Variants in ANXA4 observed in about 807,000 individuals in gnomAD.
ANXA4 encodes 35-beta calcimedin.
A neutral mutation model predicts 49.8 loss-of-function variants in ANXA4; 39 were observed. The observed-to-expected ratio is 0.78, with a 90% confidence interval of 0.61 to 1.02. The LOEUF (loss-of-function observed/expected upper bound fraction) is 1.02. Ranked by LOEUF, ANXA4 falls within the 50% of genes least tolerant of loss-of-function variation. The pLI, the probability that ANXA4 is intolerant of heterozygous loss-of-function variation, is 0.00. For missense variants in ANXA4, 360 were observed against 410.1 expected, an observed-to-expected ratio of 0.88 and a Z score of 1.05; for synonymous variants, 134 against 152.5, an observed-to-expected ratio of 0.88 and a Z score of 0.89.
At chr2:69,725,737 G>A (rs957313317) in intron 3 of ANXA4, among the ~76,000 whole-genome samples, 2 of 152,188 alleles carry the variant, frequency 1.3e-5, no homozygotes, top group Admixed American at 6.5e-5. Flanking sequence ...GAGGCTAAAT[G>A]AGACTCTTGA....
In ANXA4 at chr2:69,781,569, G is replaced by A. The variant is rs1171915606; in HGVS notation, c.4G>A (p.Ala2Thr). 4 of 1,614,022 alleles carry A rather than the reference G, an allele frequency of 2.5e-6. No individual in the cohort carries two copies. The highest frequency in any genetic ancestry group is 1.7e-5 in the Admixed American group (1 of 60,000). The change falls in exon 2 of 13, where the codon GCC (alanine) becomes ACC (threonine). Residue 2 changes from alanine (A) to threonine (T), a missense_variant. Physicochemically the swap from Ala to Thr is moderately conservative, Grantham distance 58. Transcript: ENST00000394295. M[A>T]MATKGGTVKA... ...ACTCTGATCTTGACCTAGAGTCATG[G>A]CCATGGTAAGTTGTGAAATACCTCA...
intron 11 of ANXA4, among the ~76,000 whole-genome samples, chr2:69,820,342 C>A (rs1243781382): frequency 6.6e-6 from 1 of 150,946 alleles, no homozygotes; most frequent in African/African-American, 2.4e-5. Flanking sequence ...AGTTTTACAT[C>A]AGAGGATTTC....
At chr2:69,798,079 G>A (rs1673018327) in intron 3 of ANXA4, among the ~76,000 whole-genome samples, 1 of 152,168 alleles carries the variant, frequency 6.6e-6, no homozygotes, top group African/African-American at 2.4e-5. Flanking sequence ...CGGTCCGACT[G>A]GACAGTGCTG....
intron 6 of ANXA4, chr2:69,809,365 C>G (rs1673597116): frequency 6.6e-6 from 1 of 152,158 alleles, no homozygotes; most frequent in African/African-American, 2.4e-5. Flanking sequence ...CCACATCTGC[C>G]CAATGAGGGT....
chr2:69,666,776 T>C (rs1676953692), intron 2 of ANXA4, among the ~76,000 whole-genome samples: 1 of 152,230 alleles, frequency 6.6e-6, no homozygotes, highest in Non-Finnish European at 1.5e-5. Context: ...CTGGGTGTGG[T>C]GGCTCATGCC....
At chr2:69,752,205 G>A (rs937575202) in intron 1 of ANXA4, among the ~76,000 whole-genome samples, 2 of 152,134 alleles carry the variant, frequency 1.3e-5, no homozygotes, top group African/African-American at 4.8e-5. Context: ...CCCAGAGGTG[G>A]AGATGGAGGT....
chr2:69,676,756 G>A (rs1411833129), intron 2 of ANXA4, among the ~76,000 whole-genome samples: 1 of 152,098 alleles, frequency 6.6e-6, no homozygotes, highest in African/African-American at 2.4e-5. Flanking sequence ...AGCTGGGCGT[G>A]GTGGCGCATG....
chr2:69,723,992 C>T (rs1055378862), intron 3 of ANXA4, among the ~76,000 whole-genome samples: 3 of 152,212 alleles, frequency 2.0e-5, no homozygotes, highest in African/African-American at 4.8e-5. Flanking sequence ...CGGTGGCGCA[C>T]GCCTGTAATC....
chr2:69,684,425 T>C (rs2105362358), intron 2 of ANXA4, among the ~76,000 whole-genome samples: 1 of 152,314 alleles, frequency 6.6e-6, no homozygotes, highest in East Asian at 1.9e-4. Flanking sequence ...ACAGTCTTTG[T>C]AGTAAAGTTT....
At chr2:69,693,746 T>C (rs1678059340) in intron 2 of ANXA4, among the ~76,000 whole-genome samples, 1 of 152,004 alleles carries the variant, frequency 6.6e-6, no homozygotes, top group Admixed American at 6.6e-5. Context: ...ATATTTGGGG[T>C]TAGGTTTAAC....
chr2:69,759,618 A>G lies in ANXA4; in HGVS notation c.-47+17443A>G, dbSNP rs184029762. Among the ~76,000 whole-genome samples the G allele has an allele frequency of 3.5e-4, 54 of 152,268 alleles. 1 individual carries two copies. In the East Asian group the frequency reaches 9.6e-3, roughly 27 times the overall value. ...TTATCAGATCACACAGTTTACTTTA[A>G]TAATAACAATAATAATAACAGCTAG... is the stretch of plus-strand genomic sequence containing the variant. On this transcript the variant is annotated intron_variant, in intron 1 of 12. Transcript: ENST00000394295.
intron 1 of ANXA4, among the ~76,000 whole-genome samples, chr2:69,773,228 T>C (rs1026500974): frequency 1.3e-5 from 2 of 152,242 alleles, no homozygotes; most frequent in African/African-American, 2.4e-5. Context: ...ACTCTCAGTA[T>C]TTCCAGAAGG....
chr2:69,749,929 A>AAG (rs1289655139), intron 1 of ANXA4, among the ~76,000 whole-genome samples: 1 of 151,998 alleles, frequency 6.6e-6, no homozygotes, highest in Admixed American at 6.6e-5. Context: ...TCTCAAAAAA[A>AAG]AAAAAGAAAA....
At chr2:69,695,610 A>C (rs545653120) in intron 2 of ANXA4, among the ~76,000 whole-genome samples, 1 of 152,338 alleles carries the variant, frequency 6.6e-6, no homozygotes, top group African/African-American at 2.4e-5. Flanking sequence ...GAGAGCTGGC[A>C]TCCCCTTGGG....
Position 69,805,479 on chromosome 2 carries a change from ACCT to A in ANXA4, c.192+853_192+855del, listed in dbSNP as rs533835440. Among the ~76,000 whole-genome samples the A allele has an allele frequency of 5.0e-3, 767 of 152,056 alleles. 9 individuals carry two copies. Among genetic ancestry groups the A allele is most frequent in the African/African-American group, 0.018 (738 of 41,480 alleles). ...AAATTAGCTGGGCATGGTGGTGGGC[ACCT>A]GTAATCCCAGCTACTTGGGAGACTG... On this transcript the variant is annotated intron_variant, in intron 4 of 12. Coordinates refer to ENST00000394295, the MANE Select transcript of ANXA4 (RefSeq NM_001153.5).
At chr2:69,798,709 T>TA (rs1320909452) in intron 3 of ANXA4, among the ~76,000 whole-genome samples, 1 of 152,176 alleles carries the variant, frequency 6.6e-6, no homozygotes, top group Non-Finnish European at 1.5e-5. Flanking sequence ...TGCCCGGTGT[T>TA]TTTGATAGTT....
chr2:69,780,685 A>G (rs1262564104), intron 1 of ANXA4, among the ~76,000 whole-genome samples: 2 of 152,118 alleles, frequency 1.3e-5, no homozygotes, highest in African/African-American at 4.8e-5. Flanking sequence ...GAGGCTGCAG[A>G]GGGCTATGAT....
intron 2 of ANXA4, among the ~76,000 whole-genome samples, chr2:69,688,130 A>G (rs1677854041): frequency 6.6e-6 from 1 of 152,190 alleles, no homozygotes; most frequent in Non-Finnish European, 1.5e-5. Context: ...AACCTCTTTT[A>G]GGCTGTAAGT....
intron 2 of ANXA4, among the ~76,000 whole-genome samples, chr2:69,667,245 T>C (rs1281334585): frequency 6.6e-6 from 1 of 152,006 alleles, no homozygotes; most frequent in African/African-American, 2.4e-5. Context: ...CAAAATTGAT[T>C]GTGGTGATGG....
Sources: allele counts gnomAD v4.1 joint callset (sites outside exome capture counted in the v4.1 genomes callset), GRCh38; gene constraint gnomAD v4.1.1; transcripts MANE v1.5; gene names NCBI Gene and HGNC (gene_info 2026-07-23, HGNC 2026-07-21).